Variants in BCAR3 observed in about 807,000 individuals in gnomAD.
The protein encoded by BCAR3 is BCAR3 adaptor protein, NSP family member, also known as breast cancer anti-estrogen resistance protein 3.
Under a neutral mutation model 80.1 loss-of-function variants are expected in BCAR3, and 37 were observed. That is an observed-to-expected ratio of 0.46 (90% CI 0.36 to 0.61). The LOEUF is 0.61. Among genes scored for constraint, BCAR3 ranks in the 20% least tolerant of loss-of-function variants. The pLI is 0.00. For missense variants in BCAR3, 978 were observed against 1,068.2 expected (o/e 0.92, Z 1.18); for synonymous variants, 389 against 418.9 (o/e 0.93, Z 0.87).
chr1:93,639,130 T>C (rs1452863273), intron 3 of BCAR3, among the ~76,000 whole-genome samples: 1 of 152,140 alleles, frequency 6.6e-6, no homozygotes, highest in Non-Finnish European at 1.5e-5. Context: ...CAGCCATGCA[T>C]ATTTTCCTCC....
At chr1:93,674,136 C>A (rs111633592) in intron 2 of BCAR3, among the ~76,000 whole-genome samples, 109 of 152,168 alleles carry the variant, frequency 7.2e-4, no homozygotes, top group African/African-American at 2.4e-3. Context: ...CAAAATAATA[C>A]CAAAGGAGGG....
chr1:93,650,307 C>T (rs1676282318), intron 2 of BCAR3, among the ~76,000 whole-genome samples: 1 of 152,202 alleles, frequency 6.6e-6, no homozygotes, highest in South Asian at 2.1e-4. Context: ...ATGACTTGAG[C>T]CCAGGAGGCA....
chr1:93,804,734 A>G (rs1338963803), intron 2 of BCAR3, among the ~76,000 whole-genome samples: 1 of 152,204 alleles, frequency 6.6e-6, no homozygotes, highest in Admixed American at 6.5e-5. Context: ...AAGTAACTGA[A>G]ACTGCAGAAA....
chr1:93,579,006 A>G (rs1673585083), intron 7 of BCAR3, among the ~76,000 whole-genome samples: 1 of 152,158 alleles, frequency 6.6e-6, no homozygotes, highest in Admixed American at 6.5e-5. Context: ...CAAGTGCTTC[A>G]CTACTGGTCC....
intron 2 of BCAR3, among the ~76,000 whole-genome samples, chr1:93,719,741 A>G (rs1164124930): frequency 6.6e-6 from 1 of 152,138 alleles, no homozygotes; most frequent in Non-Finnish European, 1.5e-5. Flanking sequence ...AAGTCCTTTG[A>G]ACCTGTACAT....
At chr1:93,779,067 G>C (rs1416250176) in intron 2 of BCAR3, among the ~76,000 whole-genome samples, 2 of 152,182 alleles carry the variant, frequency 1.3e-5, no homozygotes, top group Admixed American at 1.3e-4. Flanking sequence ...GGGAGGAGGA[G>C]TGGTGAAGGC....
intron 2 of BCAR3, among the ~76,000 whole-genome samples, chr1:93,772,001 A>C (rs1415047073): frequency 6.6e-6 from 1 of 152,202 alleles, no homozygotes; most frequent in Non-Finnish European, 1.5e-5. Flanking sequence ...CTTGGCAAGA[A>C]GGTGAGTTAT....
intron 2 of BCAR3, among the ~76,000 whole-genome samples, chr1:93,736,889 T>C (rs1650991483): frequency 6.6e-6 from 1 of 152,246 alleles, no homozygotes. Context: ...TTTTATGCTA[T>C]AGACCTTTCT....
chr1:93,571,752 A>G lies in BCAR3; in HGVS notation c.1892T>C (p.Ile631Thr), dbSNP rs1673227383. The change falls in exon 9 of 12, where the codon ATC (isoleucine) becomes ACC (threonine). Residue 631 changes from isoleucine to threonine, a missense_variant. Ile to Thr is a moderately conservative substitution (Grantham distance 89, BLOSUM62 -1). Coordinates refer to ENST00000260502, the MANE Select transcript of BCAR3 (RefSeq NM_003567.4). ...ATCCTTCAGTTCCACCGCCACCTGGATGATCTTACTCAGAGTGGCCGCTCG... is the reference window on the plus strand; with the variant it reads ...ATCCTTCAGTTCCACCGCCACCTGGGTGATCTTACTCAGAGTGGCCGCTCG... ...EDRAATLSKI[I>T]QVAVELKDSM... 6.2e-7 allele frequency: 1 copy of G among 1,614,124 alleles called. No individual in the cohort carries two copies. The highest frequency in any genetic ancestry group is 8.5e-7 in the Non-Finnish European group (1 of 1,180,012).
intron 4 of BCAR3, among the ~76,000 whole-genome samples, chr1:93,589,914 A>G (rs1042657942): frequency 6.6e-6 from 1 of 152,184 alleles, no homozygotes; most frequent in Non-Finnish European, 1.5e-5. Context: ...AAGAAATGAG[A>G]AAATGTGTGC....
intron 3 of BCAR3, among the ~76,000 whole-genome samples, chr1:93,593,965 G>A (rs189132356): frequency 9.2e-5 from 14 of 152,318 alleles, no homozygotes; most frequent in Admixed American, 6.5e-4. Context: ...AGATGCGGAC[G>A]CTGGCTGTCC....
intron 5 of BCAR3, chr1:93,584,939 TTA>T (rs1275443824): frequency 1.0e-6 from 1 of 963,762 alleles, no homozygotes; most frequent in Non-Finnish European, 1.2e-6. Context: ...TAAAACATTG[TTA>T]TGTTACAGAA....
At chr1:93,595,418 G>A (rs1035172132) in intron 3 of BCAR3, among the ~76,000 whole-genome samples, 6 of 152,180 alleles carry the variant, frequency 3.9e-5, no homozygotes, top group Admixed American at 2.6e-4. Context: ...GGGCTGGCTC[G>A]AATACACTGC....
intron 2 of BCAR3, among the ~76,000 whole-genome samples, chr1:93,760,631 G>A (rs1221926154): frequency 6.6e-6 from 1 of 151,642 alleles, no homozygotes; most frequent in East Asian, 1.9e-4. Context: ...AAGAAGGAAT[G>A]TATTAGCCAT....
chr1:93,710,336 C>G (rs1048445913), intron 2 of BCAR3, among the ~76,000 whole-genome samples: 2 of 152,222 alleles, frequency 1.3e-5, no homozygotes, highest in African/African-American at 4.8e-5. Context: ...CTTACCCATA[C>G]CATGCTGGAT....
At chr1:93,623,792 C>A (rs1675382266) in intron 3 of BCAR3, among the ~76,000 whole-genome samples, 1 of 152,196 alleles carries the variant, frequency 6.6e-6, no homozygotes, top group Non-Finnish European at 1.5e-5. Context: ...ATGTAACATA[C>A]TGTGTCTGGC....
At chr1:93,684,054 T>A (rs935769382), upstream of BCAR3, among the ~76,000 whole-genome samples, 2 of 152,204 alleles carry the variant, frequency 1.3e-5, no homozygotes, top group Admixed American at 1.3e-4. Context: ...CGCTTATGAG[T>A]GTTTTTGTGG....
chr1:93,643,378 A>T (rs1676051215), intron 2 of BCAR3, among the ~76,000 whole-genome samples: 1 of 151,128 alleles, frequency 6.6e-6, no homozygotes, highest in African/African-American at 2.4e-5. Flanking sequence ...AAAAACACAA[A>T]AAAAACCAAA....
At chr1:93,719,331 C>CTTTT (rs1650301308) in intron 2 of BCAR3, among the ~76,000 whole-genome samples, 2 of 73,398 alleles carry the variant, frequency 2.7e-5, no homozygotes, top group Non-Finnish European at 5.5e-5. Flanking sequence ...TTTAAACTTT[C>CTTTT]TTGTTTTTTT....
Sources: gnomAD v4.1 joint callset for allele counts (sites outside exome capture counted in the v4.1 genomes callset) on GRCh38, gnomAD v4.1.1 for gene constraint, MANE v1.5 for transcripts, NCBI Gene and HGNC (gene_info 2026-07-23, HGNC 2026-07-21) for gene names.